SERF2: variants seen among roughly 807,000 people sequenced by gnomAD.
SERF2 encodes small EDRK-rich factor 2.
Under a neutral mutation model 10.7 loss-of-function variants are expected in SERF2, and 4 were observed. The observed-to-expected ratio is 0.37, with a 90% CI of 0.18 to 0.86. The LOEUF (loss-of-function observed/expected upper bound fraction) is 0.86, where lower values mean the gene tolerates loss of function less well. Ranked by LOEUF, SERF2 falls within the 40% of genes least tolerant of loss-of-function variation. The pLI is 0.43. For missense variants in SERF2, 47 were observed against 79.1 expected (o/e 0.59, Z 1.54); for synonymous variants, 26 against 26.0 (o/e 1.00, Z 0.01).
chr15:43,789,766 G>A (rs2087037307), upstream of SERF2, among the ~76,000 whole-genome samples: 1 of 152,098 alleles, frequency 6.6e-6, no homozygotes, highest in Non-Finnish European at 1.5e-5. Context: ...CCAGCACTTT[G>A]GGAGGCTGGG....
Position 43,795,535 on chromosome 15 carries a change from C to G in SERF2, c.*1762C>G. ...GTCAGCTGGCCTCGCAGCCCCACCC[C>G]TTTGCCCTGGAGAGAGGAAATGGCT... is the stretch of plus-strand genomic sequence containing the variant. On this transcript the variant is annotated 3_prime_UTR_variant, in exon 3 of 3. Transcript: ENST00000249786. The G allele has an allele frequency of 1.2e-6, 2 of 1,614,174 alleles. No individual in the cohort carries two copies. Among genetic ancestry groups the G allele is most frequent in the Non-Finnish European group, 1.7e-6 (2 of 1,180,026 alleles).
Position 43,793,985 on chromosome 15 carries a change from T to G in SERF2, c.*212T>G. On this transcript the variant is annotated 3_prime_UTR_variant, in exon 3 of 3. Transcript: ENST00000249786. ...CTCCCGGGGGTGAGGGGGTTACCCC[T>G]TCCCAGTGTTTTTTATTCCTGTGGG... is the stretch of plus-strand genomic sequence containing the variant. The G allele has an allele frequency of 6.6e-7, 1 of 1,504,552 alleles. No individual in the cohort carries two copies. Among genetic ancestry groups the G allele is most frequent in the Non-Finnish European group, 8.9e-7 (1 of 1,127,262 alleles). 93.2% of individuals were successfully genotyped at this position (1,504,552 alleles called of 1,614,324 possible).
At chr15:43,783,927 ATTTTTTTTT>A (rs71111825) in intron 1 of SERF2, among the ~76,000 whole-genome samples, 157 of 48,142 alleles carry the variant, frequency 3.3e-3, no homozygotes, top group Middle Eastern at 0.025. Context: ...ACGCCCAGCT[ATTTTTTTTT>A]TTTTTTTTTT....
In SERF2 at chr15:43,794,317, C is replaced by G; in HGVS notation, c.*544C>G. ...ACACCATCTCTAGGATGGAGTTGGC[C>G]TAAGAGTGAATGCTGCAAGATCTGT... On this transcript the variant is annotated 3_prime_UTR_variant, in exon 3 of 3. Coordinates refer to ENST00000249786, the MANE Select transcript of SERF2 (RefSeq NM_001018108.4). 2 of 234,030 alleles carry G rather than the reference C, an allele frequency of 8.5e-6. No individual in the cohort carries two copies. The highest frequency in any genetic ancestry group is 1.7e-5 in the Non-Finnish European group (2 of 119,980). The allele number at this position is 234,030 out of a possible 1,614,324, so 14.5% of individuals were successfully genotyped here.
In SERF2 at chr15:43,795,035, T is replaced by A. The variant is rs1555458274; in HGVS notation, c.*1262T>A. On this transcript the variant is annotated 3_prime_UTR_variant, in exon 3 of 3. Coordinates refer to ENST00000249786, the MANE Select transcript of SERF2 (RefSeq NM_001018108.4). ...GGATATTTGTTATCTGGGGATATGA[T>A]GCGGTGGCGGCGGCGCCTCAAGATA... is the stretch of plus-strand genomic sequence containing the variant. The A allele has an allele frequency of 6.2e-7, 1 of 1,610,868 alleles. No individual in the cohort carries two copies. Among genetic ancestry groups the A allele is most frequent in the East Asian group, 2.2e-5 (1 of 44,814 alleles).
chr15:43,795,580 A>G lies in SERF2; in HGVS notation c.*1807A>G. ...ATGGCTGCTGGGAGCAGAGCTGCTG[A>G]AACACCTCTTCCCCTCTCCCCCAAC... On this transcript the variant is annotated 3_prime_UTR_variant, in exon 3 of 3. Coordinates refer to ENST00000249786, the MANE Select transcript of SERF2 (RefSeq NM_001018108.4). 1 of 1,613,304 alleles carries G rather than the reference A, an allele frequency of 6.2e-7. No individual in the cohort carries two copies. Among genetic ancestry groups the G allele is most frequent in the Admixed American group, 1.7e-5 (1 of 60,002 alleles).
chr15:43,786,299 C>T (rs1445116034), intron 2 of SERF2, among the ~76,000 whole-genome samples: 1 of 151,086 alleles, frequency 6.6e-6, no homozygotes, highest in Non-Finnish European at 1.5e-5. Flanking sequence ...CCTGTAGTCC[C>T]AGCTACTTGG....
chr15:43,792,077 A>C (rs1391139729), upstream of SERF2: 595 of 442,884 alleles, frequency 1.3e-3, 1 homozygote, highest in Middle Eastern at 2.6e-3. Context: ...GCACCCCTCC[A>C]CCCCCAACCT....
In SERF2 at chr15:43,793,100, G is replaced by C. The variant is rs1464455286; in HGVS notation, c.116+17G>C. ...CAAGCAGAGGTAGCCCCAGGGAGGG[G>C]AGGGAAAGGGACGGTGGAGACCTGG... On this transcript the variant is annotated intron_variant, in intron 2 of 2. Coordinates refer to ENST00000249786, the MANE Select transcript of SERF2 (RefSeq NM_001018108.4). 1.3e-6 allele frequency: 2 copies of C among 1,541,716 alleles called. No homozygotes were observed. Among genetic ancestry groups the C allele is most frequent in the Non-Finnish European group, 1.8e-6 (2 of 1,115,376 alleles).
At chr15:43,791,521 C>T (rs559358923), upstream of SERF2, among the ~76,000 whole-genome samples, 9 of 152,332 alleles carry the variant, frequency 5.9e-5, no homozygotes, top group East Asian at 1.3e-3. Context: ...AGGCGTGAGC[C>T]ACCACGCCCG....
intron 1 of SERF2, among the ~76,000 whole-genome samples, chr15:43,779,433 C>G (rs192906393): frequency 6.6e-6 from 1 of 152,132 alleles, no homozygotes; most frequent in East Asian, 1.9e-4. Flanking sequence ...AAACCTAGGC[C>G]TACAGATCAT....
In SERF2 at chr15:43,793,766, C is replaced by G; in HGVS notation, c.173C>G (p.Pro58Arg). The G allele has an allele frequency of 6.2e-7, 1 of 1,614,190 alleles. No homozygotes were observed. Among genetic ancestry groups the G allele is most frequent in the Non-Finnish European group, 8.5e-7 (1 of 1,180,030 alleles). Reference sequence around the variant, plus strand: ...AAGGCAAACGAGAAGAAGGAGGAACCCAAGTAGCTTTGTGGCTTCGTGTCC... The same window carrying G: ...AAGGCAAACGAGAAGAAGGAGGAACGCAAGTAGCTTTGTGGCTTCGTGTCC... The part of the protein sequence containing the change: ...QKKANEKKEE[P>R]K Residue 58 changes from proline to arginine, a missense_variant, in exon 3 of 3, where the codon CCC becomes CGC. By Grantham distance (103) the Pro-to-Arg change is moderately radical. Transcript: ENST00000249786.
Position 43,795,003 on chromosome 15 carries a change from G to A in SERF2, c.*1230G>A. On this transcript the variant is annotated 3_prime_UTR_variant, in exon 3 of 3. Coordinates refer to ENST00000249786, the MANE Select transcript of SERF2 (RefSeq NM_001018108.4). ...AACCCCAGTTTGTGAAAAGGACTTA[G>A]ACTGGAGGATATTTGTTATCTGGGG... The A allele has an allele frequency of 6.2e-7, 1 of 1,609,438 alleles. No homozygotes were observed. Among genetic ancestry groups the A allele is most frequent in the Non-Finnish European group, 8.5e-7 (1 of 1,178,562 alleles).
chr15:43,778,528 G>A (rs1038749840), intron 1 of SERF2, among the ~76,000 whole-genome samples: 4 of 121,404 alleles, frequency 3.3e-5, no homozygotes, highest in Non-Finnish European at 6.4e-5. Flanking sequence ...AACAGAGAGA[G>A]ACCCTGTCTC....
chr15:43,790,995 C>T (rs1399759015), upstream of SERF2, among the ~76,000 whole-genome samples: 1 of 150,300 alleles, frequency 6.7e-6, no homozygotes, highest in East Asian at 2.0e-4. Flanking sequence ...GTCTCGATGT[C>T]CTGACCTCGT....
intron 1 of SERF2, among the ~76,000 whole-genome samples, chr15:43,784,692 G>A (rs1287543917): frequency 1.3e-5 from 2 of 151,726 alleles, no homozygotes; most frequent in Non-Finnish European, 2.9e-5. Context: ...TCCTGACCTC[G>A]TGATCCGCCT....
chr15:43,783,927 A>ATTTTTTTTTTTTTTTTTTTTT (rs71111825), intron 1 of SERF2, among the ~76,000 whole-genome samples: 2 of 48,140 alleles, frequency 4.2e-5, no homozygotes, highest in Non-Finnish European at 7.4e-5. Context: ...ACGCCCAGCT[A>ATTTTTTTTTTTTTTTTTTTTT]TTTTTTTTTT....
upstream of SERF2, chr15:43,791,996 A>C (rs199839368): frequency 7.1e-5 from 25 of 354,600 alleles, no homozygotes; most frequent in East Asian, 1.4e-3. Context: ...TCAGTACCCC[A>C]AACTGTCCCC....
chr15:43,788,801 T>C (rs1334367430), upstream of SERF2, among the ~76,000 whole-genome samples: 1 of 152,100 alleles, frequency 6.6e-6, no homozygotes, highest in Non-Finnish European at 1.5e-5. Flanking sequence ...GGTTTCTAAA[T>C]CAGTAGGAGG....
Sources: gnomAD v4.1 joint callset for allele counts (sites outside exome capture counted in the v4.1 genomes callset) on GRCh38, gnomAD v4.1.1 for gene constraint, MANE v1.5 for transcripts, NCBI Gene and HGNC (gene_info 2026-07-23, HGNC 2026-07-21) for gene names.